The following BCAR3 variants were observed in gnomAD, a reference collection of about 807,000 sequenced individuals.
BCAR3 encodes the protein breast cancer anti-estrogen resistance protein 3.
Under a neutral mutation model 80.1 loss-of-function variants are expected in BCAR3, and 37 were observed. The observed-to-expected ratio is 0.46, with a 90% CI of 0.36 to 0.61. The LOEUF (loss-of-function observed/expected upper bound fraction) is 0.61, where lower values mean the gene tolerates loss of function less well. Ranked by LOEUF, BCAR3 falls within the 20% of genes least tolerant of loss-of-function variation. BCAR3 has a pLI of 0.00. For synonymous variants in BCAR3, 389 were observed against 418.9 expected (o/e 0.93, Z 0.87); for missense variants, 978 against 1,068.2 (o/e 0.92, Z 1.18).
At chr1:93,714,435 G>A (rs1650129622) in intron 2 of BCAR3, among the ~76,000 whole-genome samples, 1 of 152,180 alleles carries the variant, frequency 6.6e-6, no homozygotes. Context: ...CATAGTGGGA[G>A]TTTATTAAAT....
In BCAR3 at chr1:93,621,658, G is replaced by A. The variant is rs1334826978; in HGVS notation, c.357+20646C>T. ...ATGGCCGCTGGAGCAGCTTTAACCAGCACGGGAACCCCTTCACTCAGTGGG... is the reference window on the plus strand; with the variant it reads ...ATGGCCGCTGGAGCAGCTTTAACCAACACGGGAACCCCTTCACTCAGTGGG... On this transcript the variant is annotated intron_variant, in intron 3 of 11. Transcript: ENST00000260502. Among the ~76,000 whole-genome samples, 5 of 152,180 alleles carry A rather than the reference G, an allele frequency of 3.3e-5. No individual in the cohort carries two copies. The East Asian group carries it at 9.6e-4, about 29-fold the overall frequency.
chr1:93,774,160 CTT>C (rs1405933565), intron 2 of BCAR3, among the ~76,000 whole-genome samples: 1 of 152,170 alleles, frequency 6.6e-6, no homozygotes, highest in Non-Finnish European at 1.5e-5. Flanking sequence ...CCAGCATTGA[CTT>C]TTCAAACAGG....
intron 11 of BCAR3, among the ~76,000 whole-genome samples, chr1:93,563,507 T>C (rs1672790372): frequency 6.6e-6 from 1 of 152,214 alleles, no homozygotes; most frequent in South Asian, 2.1e-4. Context: ...TGTGTACAAA[T>C]CTTGTGTGGA....
chr1:93,637,849 T>C (rs1371600264), intron 3 of BCAR3, among the ~76,000 whole-genome samples: 2 of 152,146 alleles, frequency 1.3e-5, no homozygotes, highest in Admixed American at 1.3e-4. Flanking sequence ...GAGAATCCTA[T>C]AAACGTAAGC....
intron 8 of BCAR3, among the ~76,000 whole-genome samples, chr1:93,575,252 A>G (rs531731141): frequency 4.6e-5 from 7 of 152,348 alleles, no homozygotes; most frequent in African/African-American, 1.7e-4. Flanking sequence ...GCAGTCAGTA[A>G]TGGCAACTAG....
At chr1:93,784,555 T>C (rs1652877030) in intron 2 of BCAR3, among the ~76,000 whole-genome samples, 1 of 152,204 alleles carries the variant, frequency 6.6e-6, no homozygotes, top group African/African-American at 2.4e-5. Context: ...AGTGTCCTGA[T>C]TATCTGATAG....
chr1:93,749,306 G>A (rs1651462032), intron 2 of BCAR3, among the ~76,000 whole-genome samples: 1 of 151,980 alleles, frequency 6.6e-6, no homozygotes, highest in South Asian at 2.1e-4. Context: ...TATAAATCAT[G>A]GGCTGGCCGA....
chr1:93,737,961 T>C (rs1651042314), intron 2 of BCAR3, among the ~76,000 whole-genome samples: 2 of 152,190 alleles, frequency 1.3e-5, no homozygotes, highest in Admixed American at 1.3e-4. Flanking sequence ...ACCTCACAAG[T>C]AGCTAGGATA....
At chr1:93,759,337 T>C (rs1018745309) in intron 2 of BCAR3, among the ~76,000 whole-genome samples, 1 of 152,194 alleles carries the variant, frequency 6.6e-6, no homozygotes, top group Non-Finnish European at 1.5e-5. Flanking sequence ...CCGGCTAATT[T>C]CCTAAGTAAC....
chr1:93,759,740 G>A (rs1380403057), intron 2 of BCAR3, among the ~76,000 whole-genome samples: 1 of 152,166 alleles, frequency 6.6e-6, no homozygotes, highest in Non-Finnish European at 1.5e-5. Context: ...AAGAGAAAAT[G>A]ATAGCCTGAT....
intron 2 of BCAR3, among the ~76,000 whole-genome samples, chr1:93,738,390 C>G (rs1258442110): frequency 6.6e-6 from 1 of 152,168 alleles, no homozygotes; most frequent in Non-Finnish European, 1.5e-5. Context: ...ATAGGCATTC[C>G]CAAGCCACAG....
chr1:93,740,935 C>T (rs552253396), intron 2 of BCAR3, among the ~76,000 whole-genome samples: 3 of 152,270 alleles, frequency 2.0e-5, no homozygotes, highest in South Asian at 2.1e-4. Flanking sequence ...TAGATGCAAG[C>T]GCGTCTGCCG....
At chr1:93,568,857 C>T (rs1292878004) in intron 9 of BCAR3, among the ~76,000 whole-genome samples, 1 of 152,212 alleles carries the variant, frequency 6.6e-6, no homozygotes, top group Non-Finnish European at 1.5e-5. Context: ...GGGTCTCACT[C>T]TGTTGCCCAG....
intron 2 of BCAR3, among the ~76,000 whole-genome samples, chr1:93,670,992 GTTATTA>G (rs1571028898): frequency 6.6e-6 from 1 of 151,798 alleles, no homozygotes. Context: ...TATAATAAAG[GTTATTA>G]TTATTATTTT....
intron 2 of BCAR3, among the ~76,000 whole-genome samples, chr1:93,645,927 C>T (rs146214278): frequency 6.6e-6 from 1 of 151,860 alleles, no homozygotes; most frequent in African/African-American, 2.4e-5. Flanking sequence ...TGAGAACTGC[C>T]TAGAGTGATG....
At chr1:93,660,913 G>C (rs963548461) in intron 2 of BCAR3, among the ~76,000 whole-genome samples, 8 of 150,760 alleles carry the variant, frequency 5.3e-5, no homozygotes, top group Non-Finnish European at 1.0e-4. Flanking sequence ...TTTCACTCTT[G>C]TTGCCCAGGC....
intron 8 of BCAR3, among the ~76,000 whole-genome samples, chr1:93,574,738 C>G (rs1673377921): frequency 6.6e-6 from 1 of 152,180 alleles, no homozygotes; most frequent in South Asian, 2.1e-4. Context: ...GGTCAGGCCC[C>G]TAGGGCAGGA....
intron 2 of BCAR3, among the ~76,000 whole-genome samples, chr1:93,658,059 G>A (rs1056166351): frequency 1.3e-5 from 2 of 151,820 alleles, no homozygotes; most frequent in Non-Finnish European, 2.9e-5. Flanking sequence ...TCCTGGCTCA[G>A]CCTCCCGAGT....
chr1:93,642,819 T>C lies in BCAR3; in HGVS notation c.318-476A>G, dbSNP rs1676025581. Among the ~76,000 whole-genome samples, 5 of 152,240 alleles carry C rather than the reference T, an allele frequency of 3.3e-5. No individual in the cohort carries two copies. In the South Asian group the frequency reaches 1.0e-3, roughly 31 times the overall value. ...GGAGGGGCTGCCCCAGGTTGCCCAG[T>C]GCCTGGGTGATGGAGGGAACGGAGC... is the stretch of plus-strand genomic sequence containing the variant. On this transcript the variant is annotated intron_variant, in intron 2 of 11. Transcript: ENST00000260502.
Sources: gnomAD v4.1 joint callset for allele counts (sites outside exome capture counted in the v4.1 genomes callset) on GRCh38, gnomAD v4.1.1 for gene constraint, MANE v1.5 for transcripts, NCBI Gene and HGNC (gene_info 2026-07-23, HGNC 2026-07-21) for gene names.